Variants in KCNG2 observed in about 807,000 individuals in gnomAD.
KCNG2 encodes voltage-gated potassium channel regulatory subunit KCNG2.
KCNG2 carries 7 observed loss-of-function variants against 12.3 expected under a neutral mutation model. That is an observed-to-expected ratio of 0.57 (90% CI 0.32 to 1.07). The LOEUF (loss-of-function observed/expected upper bound fraction) is 1.07. Among genes scored for constraint, KCNG2 ranks in the 50% least tolerant of loss-of-function variants. The pLI, the probability that KCNG2 is intolerant of heterozygous loss-of-function variation, is 0.04. For missense variants in KCNG2, 703 were observed against 726.0 expected, an observed-to-expected ratio of 0.97 and a Z score of 0.36; for synonymous variants, 414 against 351.4, an observed-to-expected ratio of 1.18 and a Z score of -1.99.
At position 79,871,175 on chromosome 18, in the gene KCNG2, G is replaced by A. The variant is rs78238569; in HGVS notation, c.624+6884G>A. Among the ~76,000 whole-genome samples the A allele has an allele frequency of 1.8e-4, 28 of 152,366 alleles. No homozygotes were observed. In the East Asian group the frequency reaches 2.9e-3, roughly 16 times the overall value. ...CAGGCACAGGCCTCCGGGGTCCGCCGTGAGGGTGTTCTGTCCACCTGCACC... is the reference window on the plus strand; with the variant it reads ...CAGGCACAGGCCTCCGGGGTCCGCCATGAGGGTGTTCTGTCCACCTGCACC... On this transcript the variant is annotated intron_variant, in intron 3 of 3. Coordinates refer to ENST00000316249, the MANE Select transcript of KCNG2 (RefSeq NM_012283.2).
chr18:79,830,648 C>A (rs1978292797), intron 1 of KCNG2, among the ~76,000 whole-genome samples: 1 of 152,216 alleles, frequency 6.6e-6, no homozygotes, highest in Non-Finnish European at 1.5e-5. Context: ...ATGAGACCCC[C>A]AAGCATTCCC....
chr18:79,894,416 A>C (rs79718048), intron 3 of KCNG2, among the ~76,000 whole-genome samples: 709 of 103,196 alleles, frequency 6.9e-3, no homozygotes, highest in African/African-American at 8.5e-3. Flanking sequence ...TCATGCCATT[A>C]ATTACGATTG....
chr18:79,828,520 CG>C (rs1220488142), intron 1 of KCNG2, among the ~76,000 whole-genome samples: 1 of 102,888 alleles, frequency 9.7e-6, no homozygotes, highest in African/African-American at 3.2e-5. Context: ...TGTAGTGTAA[CG>C]TGTTTATGCA....
intron 1 of KCNG2, among the ~76,000 whole-genome samples, chr18:79,836,835 C>T (rs551757508): frequency 6.6e-6 from 1 of 152,174 alleles, no homozygotes; most frequent in African/African-American, 2.4e-5. Flanking sequence ...CCTCCCTCAA[C>T]ACATGAGGAT....
chr18:79,800,035 T>C lies in KCNG2; in HGVS notation c.-115+2021T>C, dbSNP rs2087395087. On this transcript the variant is annotated intron_variant, in intron 1 of 3. Coordinates refer to ENST00000316249, the MANE Select transcript of KCNG2 (RefSeq NM_012283.2). This position sits in a 1 kb window ranked among gnomAD's most constrained non-coding sequence, Gnocchi z 4.0. ...GCTTTGTTGTTCTTTTGTCTGATGGTTGGGGGCTGCTTTTCTGGAAGAAGT... is the reference window on the plus strand; with the variant it reads ...GCTTTGTTGTTCTTTTGTCTGATGGCTGGGGGCTGCTTTTCTGGAAGAAGT... Among the ~76,000 whole-genome samples, 1 of 152,192 alleles carries C rather than the reference T, an allele frequency of 6.6e-6. No homozygotes were observed. The highest frequency in any genetic ancestry group is 6.5e-5 in the Admixed American group (1 of 15,276).
At chr18:79,817,196 G>A (rs1308597043) in intron 1 of KCNG2, among the ~76,000 whole-genome samples, 1 of 150,822 alleles carries the variant, frequency 6.6e-6, no homozygotes, top group Non-Finnish European at 1.5e-5. Flanking sequence ...TCACACATCT[G>A]TCACATGGTT....
At chr18:79,891,764 T>C (rs1486490829) in intron 3 of KCNG2, among the ~76,000 whole-genome samples, 1 of 152,202 alleles carries the variant, frequency 6.6e-6, no homozygotes, top group African/African-American at 2.4e-5. Flanking sequence ...TTAAATGTAT[T>C]GAGGTTGGTT....
intron 1 of KCNG2, among the ~76,000 whole-genome samples, chr18:79,847,502 C>A (rs1781824786): frequency 6.6e-6 from 1 of 152,220 alleles, no homozygotes; most frequent in African/African-American, 2.4e-5. Context: ...GGACCACGCT[C>A]CCTGTGGAAG....
chr18:79,829,178 A>G (rs953073389), intron 1 of KCNG2, among the ~76,000 whole-genome samples: 1 of 124,006 alleles, frequency 8.1e-6, no homozygotes, highest in Non-Finnish European at 1.7e-5. Flanking sequence ...CATGTCCATG[A>G]TGTGTGCATG....
chr18:79,817,428 G>GTGTCACATGGC (rs1305991844), intron 1 of KCNG2, among the ~76,000 whole-genome samples: 1 of 152,062 alleles, frequency 6.6e-6, no homozygotes, highest in Admixed American at 6.5e-5. Context: ...GTCAGACACA[G>GTGTCACATGGC]TGTCACATGG....
At chr18:79,879,343 G>A (rs965646384) in intron 3 of KCNG2, among the ~76,000 whole-genome samples, 2 of 152,190 alleles carry the variant, frequency 1.3e-5, no homozygotes, top group African/African-American at 2.4e-5. Flanking sequence ...TAGCGCCCCC[G>A]TCTCGAGGAA....
intron 3 of KCNG2, among the ~76,000 whole-genome samples, chr18:79,898,761 CTTTAAAAGGT>C (rs1476878377): frequency 6.6e-6 from 1 of 152,258 alleles, no homozygotes; most frequent in Non-Finnish European, 1.5e-5. Context: ...TTTCCCAAGG[CTTTAAAAGGT>C]CAGGGGTTTT....
At chr18:79,851,765 GAC>G (rs781573358) in intron 1 of KCNG2, among the ~76,000 whole-genome samples, 3 of 23,780 alleles carry the variant, frequency 1.3e-4, no homozygotes, top group East Asian at 0.045. Flanking sequence ...GTGTGTGTGT[GAC>G]TGTGAATGCG....
chr18:79,892,763 C>T (rs961047217), intron 3 of KCNG2, among the ~76,000 whole-genome samples: 4 of 151,690 alleles, frequency 2.6e-5, no homozygotes, highest in African/African-American at 7.3e-5. Flanking sequence ...TTGTTCACTC[C>T]ATTCAAAATG....
At chr18:79,868,554 G>A (rs370351555) in intron 3 of KCNG2, among the ~76,000 whole-genome samples, 17 of 152,338 alleles carry the variant, frequency 1.1e-4, no homozygotes, top group African/African-American at 4.1e-4. Context: ...CCTGTCCTAA[G>A]AGAATATTTC....
intron 2 of KCNG2, among the ~76,000 whole-genome samples, chr18:79,857,847 G>A (rs561505219): frequency 7.9e-5 from 12 of 151,848 alleles, no homozygotes; most frequent in Non-Finnish European, 1.5e-4. Context: ...ACAATGCTGT[G>A]CAACCATCAC....
At chr18:79,846,377 A>T (rs1357748787) in intron 1 of KCNG2, among the ~76,000 whole-genome samples, 2 of 150,122 alleles carry the variant, frequency 1.3e-5, no homozygotes, top group Non-Finnish European at 3.0e-5. Context: ...TCCGTCTCAA[A>T]AAAAAAAAAA....
Position 79,899,730 on chromosome 18 carries a change from GCCA to G in KCNG2, c.1318_1320del (p.Thr440del), listed in dbSNP as rs1981139694. ...GGAGGACAGCACGCACTCGGCCACA[GCCA>G]CCGAGGACAGCTCGCAGGGCCCCGA... is the stretch of plus-strand genomic sequence containing the variant. On this transcript the variant is annotated inframe_deletion, in exon 4 of 4. Transcript: ENST00000316249. 6.2e-7 allele frequency: 1 copy of G among 1,600,238 alleles called. No homozygotes were observed.
chr18:79,851,164 A>G (rs1460164541), intron 1 of KCNG2, among the ~76,000 whole-genome samples: 2 of 152,242 alleles, frequency 1.3e-5, no homozygotes, highest in Admixed American at 6.5e-5. Context: ...GCTTGTTTAT[A>G]TACAAGACAA....
Sources: gnomAD v4.1 joint callset for allele counts (sites outside exome capture counted in the v4.1 genomes callset) on GRCh38, gnomAD v4.1.1 for gene constraint, Gnocchi (gnomAD v3.1) non-coding constraint, MANE v1.5 for transcripts, NCBI Gene and HGNC (gene_info 2026-07-23, HGNC 2026-07-21) for gene names.